Variants in FNDC3B observed in about 807,000 individuals in gnomAD.
FNDC3B encodes the protein fibronectin type III domain-containing protein 3B.
In FNDC3B, 12 loss-of-function variants were observed where a neutral mutation model predicts 151.5. That is an observed-to-expected ratio of 0.08 (90% CI 0.05 to 0.13). FNDC3B has a LOEUF of 0.13. Ranked by LOEUF, FNDC3B falls within the 10% of genes least tolerant of loss-of-function variation. The pLI is 1.00. For missense variants in FNDC3B, 1,214 were observed against 1,505.3 expected, an observed-to-expected ratio of 0.81 and a Z score of 3.20; for synonymous variants, 528 against 549.0, an observed-to-expected ratio of 0.96 and a Z score of 0.54.
intron 25 of FNDC3B, among the ~76,000 whole-genome samples, chr3:172,396,730 C>T (rs596523): frequency 0.95 from 145,333 of 152,264 alleles, 69,492 homozygotes; most frequent in East Asian, 1. Context: ...GTGCACTCCT[C>T]ATGCGGATCT....
At chr3:172,264,818 A>G (rs1728836634) in intron 6 of FNDC3B, among the ~76,000 whole-genome samples, 1 of 152,196 alleles carries the variant, frequency 6.6e-6, no homozygotes, top group African/African-American at 2.4e-5. Context: ...AGACTATGTT[A>G]CAAGCTCATT....
chr3:172,128,819 CAA>C (rs1269449274), intron 2 of FNDC3B, among the ~76,000 whole-genome samples: 1 of 152,162 alleles, frequency 6.6e-6, no homozygotes, highest in Non-Finnish European at 1.5e-5. Flanking sequence ...ACAAGCTACA[CAA>C]AGTGTGGCCA....
At chr3:172,376,849 T>TAA (rs752232518) in intron 23 of FNDC3B, among the ~76,000 whole-genome samples, 10 of 117,826 alleles carry the variant, frequency 8.5e-5, no homozygotes, top group African/African-American at 2.2e-4. Flanking sequence ...CAGGCTTTGT[T>TAA]AAAAAAAAAA....
chr3:172,226,794 A>T (rs918571818), intron 3 of FNDC3B, 77 bp from the exon 4 acceptor site: 4 of 947,646 alleles, frequency 4.2e-6, no homozygotes, highest in Non-Finnish European at 5.2e-6. Context: ...TTCAGTTTGG[A>T]TAGTACATTG....
In FNDC3B at chr3:172,039,622, TGAGCGGCGGCGGCGGCGGCTGGAGGAGGA is replaced by T. The variant is rs1226982559; in HGVS notation, c.-162_-134del. 4 of 163,210 alleles carry T rather than the reference TGAGCGGCGGCGGCGGCGGCTGGAGGAGGA, an allele frequency of 2.5e-5. No homozygotes were observed. Among genetic ancestry groups the T allele is most frequent in the Non-Finnish European group, 3.9e-5 (3 of 76,662 alleles). The allele number at this position is 163,210 out of a possible 1,614,324, so 10.1% of individuals were successfully genotyped here. Reference sequence around the variant, plus strand: ...CCATCAAACCCTCCTGGTAGTTATTTGAGCGGCGGCGGCGGCGGCTGGAGGAGGAGAGCGGCGGCGGCGGGAGCAGCGAA... The same window carrying T: ...CCATCAAACCCTCCTGGTAGTTATTTGAGCGGCGGCGGCGGGAGCAGCGAA... On this transcript the variant is annotated 5_prime_UTR_variant, in exon 1 of 26. Transcript: ENST00000415807.
At chr3:172,123,244 G>T (rs1487275380) in intron 2 of FNDC3B, among the ~76,000 whole-genome samples, 2 of 152,108 alleles carry the variant, frequency 1.3e-5, no homozygotes, top group East Asian at 3.9e-4. Flanking sequence ...CCCTTATGTT[G>T]CCCAAGCTGG....
At chr3:172,350,841 C>T (rs1440213657) in intron 21 of FNDC3B, among the ~76,000 whole-genome samples, 1 of 152,102 alleles carries the variant, frequency 6.6e-6, no homozygotes, top group Admixed American at 6.5e-5. Context: ...GAGACAGACC[C>T]TGTCTCAAAA....
At chr3:172,134,356 T>C (rs1036024041) in intron 3 of FNDC3B, 1 of 518,290 alleles carries the variant, frequency 1.9e-6, no homozygotes, top group Non-Finnish European at 3.9e-6. Flanking sequence ...TGGTAAACAC[T>C]GTAGTGTTAA....
chr3:172,071,656 GT>G (rs1717776878), intron 1 of FNDC3B, among the ~76,000 whole-genome samples: 1 of 152,068 alleles, frequency 6.6e-6, no homozygotes, highest in African/African-American at 2.4e-5. Context: ...GTGAATCTTA[GT>G]TTTTCTCTCA....
At chr3:172,245,893 A>G (rs1727748903) in intron 4 of FNDC3B, among the ~76,000 whole-genome samples, 1 of 152,212 alleles carries the variant, frequency 6.6e-6, no homozygotes, top group African/African-American at 2.4e-5. Context: ...AGAAACATTT[A>G]TTTTGATAGA....
intron 9 of FNDC3B, among the ~76,000 whole-genome samples, chr3:172,303,514 C>T (rs1731039899): frequency 2.0e-5 from 3 of 152,156 alleles, no homozygotes; most frequent in Non-Finnish European, 2.9e-5. Flanking sequence ...ATTCTTGGAG[C>T]ACCTGTTTCC....
chr3:172,059,614 G>T (rs191339645), intron 1 of FNDC3B, among the ~76,000 whole-genome samples: 1 of 152,058 alleles, frequency 6.6e-6, no homozygotes, highest in Non-Finnish European at 1.5e-5. Context: ...AATTTATCTA[G>T]TATACTTAAA....
chr3:172,336,626 C>T (rs1732980263), intron 15 of FNDC3B, among the ~76,000 whole-genome samples: 1 of 152,166 alleles, frequency 6.6e-6, no homozygotes, highest in Non-Finnish European at 1.5e-5. Flanking sequence ...GTTGGCCGGG[C>T]ACGGTGGCTC....
chr3:172,143,907 C>CT (rs1721766233), intron 3 of FNDC3B, among the ~76,000 whole-genome samples: 1 of 108,298 alleles, frequency 9.2e-6, no homozygotes, highest in Non-Finnish European at 1.9e-5. Flanking sequence ...GCCTCCATCT[C>CT]AAAATAAATA....
chr3:172,182,927 A>AC (rs1193224054), intron 3 of FNDC3B, among the ~76,000 whole-genome samples: 3 of 152,234 alleles, frequency 2.0e-5, no homozygotes, highest in African/African-American at 7.2e-5. Flanking sequence ...TTTTTGCCAC[A>AC]CTAGCAGCAG....
chr3:172,231,667 G>A (rs190156064), intron 4 of FNDC3B, among the ~76,000 whole-genome samples: 9 of 152,148 alleles, frequency 5.9e-5, no homozygotes, highest in Admixed American at 1.3e-4. Flanking sequence ...GGATGCTGAC[G>A]CCCCGGTTGG....
At chr3:172,093,349 C>T (rs986470836) in intron 1 of FNDC3B, among the ~76,000 whole-genome samples, 1 of 151,660 alleles carries the variant, frequency 6.6e-6, no homozygotes, top group African/African-American at 2.4e-5. Flanking sequence ...AGCTCCGCCT[C>T]CCGGGTTCAC....
At chr3:172,113,548 A>G (rs996864084) in intron 2 of FNDC3B, among the ~76,000 whole-genome samples, 28 of 152,226 alleles carry the variant, frequency 1.8e-4, no homozygotes, top group African/African-American at 6.5e-4. Context: ...CAAAAAATAT[A>G]TAATAGGTGC....
intron 3 of FNDC3B, among the ~76,000 whole-genome samples, chr3:172,139,819 C>T (rs1721531335): frequency 6.6e-6 from 1 of 151,306 alleles, no homozygotes; most frequent in Non-Finnish European, 1.5e-5. Flanking sequence ...CTGAGACAGA[C>T]TTGCTCTGTC....
Sources: gnomAD v4.1 joint callset for allele counts (sites outside exome capture counted in the v4.1 genomes callset) on GRCh38, gnomAD v4.1.1 for gene constraint, MANE v1.5 for transcripts, NCBI Gene and HGNC (gene_info 2026-07-23, HGNC 2026-07-21) for gene names.